Variants in PLD5 observed in about 807,000 individuals in gnomAD.
PLD5 encodes the protein inactive phospholipase D5.
In PLD5, 36 loss-of-function variants were observed where a neutral mutation model predicts 61.1. The observed-to-expected ratio is 0.59, with a 90% CI of 0.45 to 0.78. PLD5 has a LOEUF of 0.78. PLD5 is among the 30% of genes least tolerant of loss of function. PLD5 has a pLI of 0.00. For synonymous variants in PLD5, 243 were observed against 242.8 expected (o/e 1.00, Z -0.01); for missense variants, 515 against 644.4 (o/e 0.80, Z 2.17).
intron 1 of PLD5, among the ~76,000 whole-genome samples, chr1:242,482,365 G>A (rs1468250502): frequency 6.6e-6 from 1 of 152,178 alleles, no homozygotes; most frequent in African/African-American, 2.4e-5. Flanking sequence ...GTCCTTAAAG[G>A]ACCTGATGGA....
rs889825621 is a variant in PLD5 at position 242,524,242 on chromosome 1, G to A, written c.35C>T (p.Ser12Phe). The change falls in exon 1 of 10, where the codon TCC (serine) becomes TTC (phenylalanine). Residue 12 changes from serine (S) to phenylalanine (F), a missense_variant. Ser to Phe is a radical substitution (Grantham distance 155). Around this residue, in one of 2 missense-constraint regions of PLD5, gnomAD observed 65 missense variants for 46.3 expected, o/e 1.40. Coordinates refer to ENST00000536534, the MANE Select transcript of PLD5 (RefSeq NM_001372062.1). ...EIRQHEWLSASPHEGFEQMRL... is the reference protein window; with the variant it reads ...EIRQHEWLSAFPHEGFEQMRL... ...CATCTGCTCGAAGCCCTCATGGGGG[G>A]AGGCCGAGAGCCACTCGTGCTGCCG... The A allele has an allele frequency of 2.1e-5, 32 of 1,507,938 alleles. No homozygotes were observed. Among genetic ancestry groups the A allele is most frequent in the Non-Finnish European group, 2.7e-5 (31 of 1,133,746 alleles). 93.4% of individuals were successfully genotyped at this position (1,507,938 alleles called of 1,614,324 possible).
intron 2 of PLD5, among the ~76,000 whole-genome samples, chr1:242,320,180 C>T (rs1658294478): frequency 6.6e-6 from 1 of 152,026 alleles, no homozygotes; most frequent in South Asian, 2.1e-4. Flanking sequence ...AATATAAATA[C>T]AAAAAAATTA....
chr1:242,166,348 G>A (rs113407316), intron 5 of PLD5, among the ~76,000 whole-genome samples: 3 of 152,306 alleles, frequency 2.0e-5, no homozygotes, highest in Non-Finnish European at 2.9e-5. Flanking sequence ...AAACATCCAC[G>A]TTCAGCTCCC....
intron 4 of PLD5, among the ~76,000 whole-genome samples, chr1:242,232,821 T>A (rs552663471): frequency 3.3e-4 from 50 of 152,180 alleles, no homozygotes; most frequent in African/African-American, 1.1e-3. Flanking sequence ...CCAGCCTGCA[T>A]GACAGAGTGA....
At chr1:242,299,714 C>T (rs1425224175) in intron 2 of PLD5, among the ~76,000 whole-genome samples, 1 of 152,240 alleles carries the variant, frequency 6.6e-6, no homozygotes, top group Non-Finnish European at 1.5e-5. Flanking sequence ...TATTCTCTCA[C>T]TGCCAGGTTA....
At chr1:242,254,892 T>C (rs994377466) in intron 4 of PLD5, among the ~76,000 whole-genome samples, 2 of 152,180 alleles carry the variant, frequency 1.3e-5, no homozygotes, top group African/African-American at 4.8e-5. Context: ...GCCAAATATT[T>C]TGGTGTGCTA....
intron 5 of PLD5, among the ~76,000 whole-genome samples, chr1:242,184,580 G>T (rs1487322144): frequency 6.6e-6 from 1 of 152,080 alleles, no homozygotes; most frequent in East Asian, 1.9e-4. Context: ...TGTCGGCCAG[G>T]CTAGTCTCGA....
intron 4 of PLD5, among the ~76,000 whole-genome samples, chr1:242,222,854 AT>A (rs1670690037): frequency 6.6e-6 from 1 of 152,254 alleles, no homozygotes; most frequent in Non-Finnish European, 1.5e-5. Flanking sequence ...GCCTAAAATT[AT>A]TTTACAAAGG....
chr1:242,492,986 CA>C (rs1668217159), intron 1 of PLD5, among the ~76,000 whole-genome samples: 1 of 152,064 alleles, frequency 6.6e-6, no homozygotes, highest in Admixed American at 6.5e-5. Context: ...GAGGGGGAAC[CA>C]CAAACATTCA....
At chr1:242,485,564 A>G (rs1667931328) in intron 1 of PLD5, among the ~76,000 whole-genome samples, 1 of 152,332 alleles carries the variant, frequency 6.6e-6, no homozygotes, top group East Asian at 1.9e-4. Flanking sequence ...GAAATAAAAG[A>G]GGATACAAAC....
chr1:242,238,086 A>C (rs1400273580), intron 4 of PLD5, among the ~76,000 whole-genome samples: 1 of 152,144 alleles, frequency 6.6e-6, no homozygotes, highest in Non-Finnish European at 1.5e-5. Flanking sequence ...TTAAGTTACT[A>C]TGTGGTTTCT....
chr1:242,218,888 G>A (rs917854458), intron 5 of PLD5, among the ~76,000 whole-genome samples: 3 of 152,140 alleles, frequency 2.0e-5, no homozygotes, highest in Non-Finnish European at 4.4e-5. Context: ...TGTGAAAATG[G>A]AATGAGGTTA....
chr1:242,462,207 T>C (rs4658815), intron 1 of PLD5, among the ~76,000 whole-genome samples: 1 of 152,146 alleles, frequency 6.6e-6, no homozygotes, highest in Non-Finnish European at 1.5e-5. Flanking sequence ...ACAGCACTAT[T>C]CACAATAGCA....
intron 3 of PLD5, among the ~76,000 whole-genome samples, chr1:242,287,363 A>G (rs1675085335): frequency 6.6e-6 from 1 of 152,230 alleles, no homozygotes; most frequent in South Asian, 2.1e-4. Flanking sequence ...TTTAGGAGAC[A>G]TTATGGAATA....
At chr1:242,442,707 A>C (rs1666332731) in intron 1 of PLD5, among the ~76,000 whole-genome samples, 1 of 152,218 alleles carries the variant, frequency 6.6e-6, no homozygotes, top group Non-Finnish European at 1.5e-5. Context: ...CGATTAAGTA[A>C]ATCGACACTC....
intron 1 of PLD5, among the ~76,000 whole-genome samples, chr1:242,425,093 T>C (rs1477853440): frequency 2.0e-5 from 3 of 152,054 alleles, no homozygotes; most frequent in African/African-American, 7.2e-5. Flanking sequence ...GATGGTGCCA[T>C]TGCACTCCAG....
intron 4 of PLD5, among the ~76,000 whole-genome samples, chr1:242,247,214 C>T (rs957705942): frequency 5.9e-5 from 9 of 152,106 alleles, no homozygotes; most frequent in African/African-American, 2.2e-4. Flanking sequence ...CATCTCCTGA[C>T]CTCGTGATCC....
At chr1:242,220,381 T>C (rs1252157739) in intron 4 of PLD5, among the ~76,000 whole-genome samples, 2 of 152,194 alleles carry the variant, frequency 1.3e-5, no homozygotes, top group Non-Finnish European at 2.9e-5. Flanking sequence ...GAGGAGGTTT[T>C]GCATATAGTG....
chr1:242,491,793 A>T (rs943043234), intron 1 of PLD5, among the ~76,000 whole-genome samples: 4 of 152,158 alleles, frequency 2.6e-5, no homozygotes, highest in African/African-American at 9.7e-5. Context: ...ATGCTCTAAT[A>T]CTTCCCTTGA....
Sources: allele counts gnomAD v4.1 joint callset (sites outside exome capture counted in the v4.1 genomes callset), GRCh38; gene constraint gnomAD v4.1.1; regional missense constraint gnomAD v4.1.1; transcripts MANE v1.5; gene names NCBI Gene and HGNC (gene_info 2026-07-23, HGNC 2026-07-21).